CAPN13: variants seen among roughly 807,000 people sequenced by gnomAD.
The protein encoded by CAPN13 is calpain 13.
In CAPN13, 90 loss-of-function variants were observed where a neutral mutation model predicts 98.4. The observed-to-expected ratio is 0.92, with a 90% CI of 0.77 to 1.09. The LOEUF is 1.09. Ranked by LOEUF, CAPN13 falls within the 50% of genes least tolerant of loss-of-function variation. The pLI, the probability that CAPN13 is intolerant of heterozygous loss-of-function variation, is 0.00. For synonymous variants in CAPN13, 330 were observed against 305.5 expected, an observed-to-expected ratio of 1.08 and a Z score of -0.84; for missense variants, 887 against 841.3, an observed-to-expected ratio of 1.05 and a Z score of -0.67.
intron 9 of CAPN13, 54 bp from the exon 10 acceptor site, chr2:30,753,252 G>A (rs1658758875): frequency 5.0e-6 from 8 of 1,594,998 alleles, no homozygotes; most frequent in Non-Finnish European, 6.9e-6. Context: ...TCCCCAGGGT[G>A]GGGGTTCCTA....
intron 15 of CAPN13, chr2:30,741,255 C>T (rs1671638420): frequency 2.2e-6 from 1 of 454,644 alleles, no homozygotes; most frequent in African/African-American, 2.1e-5. Flanking sequence ...CCCCATTAAC[C>T]CTCTGAATGC....
chr2:30,761,382 G>A (rs1050382857), intron 7 of CAPN13, among the ~76,000 whole-genome samples: 3 of 152,174 alleles, frequency 2.0e-5, no homozygotes, highest in Non-Finnish European at 2.9e-5. Flanking sequence ...ATGATCAGGA[G>A]CCCAAACGGC....
chr2:30,762,556 T>C (rs13415062), intron 7 of CAPN13, among the ~76,000 whole-genome samples: 1 of 152,082 alleles, frequency 6.6e-6, no homozygotes, highest in Non-Finnish European at 1.5e-5. Context: ...GGCTGGGAGA[T>C]GAGGGATCAG....
chr2:30,753,126 G>C lies in CAPN13; in HGVS notation c.1014C>G (p.Asp338Glu). 1 of 1,613,932 alleles carries C rather than the reference G, an allele frequency of 6.2e-7. No individual in the cohort carries two copies. The highest frequency in any genetic ancestry group is 8.5e-7 in the Non-Finnish European group (1 of 1,179,832). ...ATCCTTCGTGGAGTGTGTTTCCATG[G>C]TCCAGGGTAATTGGAATTTCGCTAC... ...FICSEIPITL[D>E]HGNTLHEGWS... The change falls in exon 10 of 23, where the codon GAC (aspartate) becomes GAG (glutamate). Residue 338 changes from aspartate (D) to glutamate (E), a missense_variant. Transcript: ENST00000295055.
chr2:30,785,522 C>T (rs868659434), intron 2 of CAPN13, among the ~76,000 whole-genome samples: 60 of 152,296 alleles, frequency 3.9e-4, no homozygotes, highest in African/African-American at 1.3e-3. Flanking sequence ...ATGGGAAAAG[C>T]AGATTCGGCC....
Position 30,738,278 on chromosome 2 carries a change from A to G in CAPN13, c.1610T>C (p.Met537Thr), listed in dbSNP as rs1283142588. Residue 537 changes from methionine (M) to threonine (T), a missense_variant, in exon 17 of 23, where the codon ATG (methionine) becomes ACG (threonine). Coordinates refer to ENST00000295055, the MANE Select transcript of CAPN13 (RefSeq NM_144575.3). ...GCTGCGGCACTCATCTAAGGAGAAC[A>G]TGTCCCCTGGAGGTCCTGAGGAGAG... ...QELLTGPPGD[M>T]FSLDECRSLV... The G allele has an allele frequency of 3.1e-6, 5 of 1,613,846 alleles. No homozygotes were observed. The highest frequency in any genetic ancestry group is 2.2e-5 in the East Asian group (1 of 44,890).
At chr2:30,734,427 A>C (rs1292438320) in intron 19 of CAPN13, 22 bp downstream of exon 19, 2 of 1,604,802 alleles carry the variant, frequency 1.2e-6, no homozygotes, top group East Asian at 4.5e-5. Flanking sequence ...TGGGCACCAC[A>C]GCTCCAAAGT....
At chr2:30,728,296 C>T (rs1670930806) in intron 22 of CAPN13, among the ~76,000 whole-genome samples, 1 of 151,720 alleles carries the variant, frequency 6.6e-6, no homozygotes, top group African/African-American at 2.4e-5. Context: ...GAACTCTATA[C>T]TTTAAATGAG....
intron 7 of CAPN13, among the ~76,000 whole-genome samples, chr2:30,759,042 CCTT>C (rs1482382695): frequency 1.7e-4 from 3 of 17,630 alleles, no homozygotes; most frequent in African/African-American, 6.2e-4. Flanking sequence ...CTCCCTCCCT[CCTT>C]CCTTCCTTCC....
At chr2:30,763,046 C>G (rs749686230) in intron 7 of CAPN13, 36 bp downstream of exon 7, 10 of 1,556,060 alleles carry the variant, frequency 6.4e-6, no homozygotes, top group Non-Finnish European at 8.8e-6. Context: ...GGGCAGAGGC[C>G]AGGGGAGAGC....
intron 5 of CAPN13, among the ~76,000 whole-genome samples, chr2:30,769,138 A>T (rs982162619): frequency 1.3e-5 from 2 of 152,126 alleles, no homozygotes; most frequent in Admixed American, 6.5e-5. Flanking sequence ...CATGAAGTGT[A>T]CCCACCCATT....
At chr2:30,788,918 A>C (rs1674465933) in intron 1 of CAPN13, among the ~76,000 whole-genome samples, 1 of 152,226 alleles carries the variant, frequency 6.6e-6, no homozygotes, top group African/African-American at 2.4e-5. Flanking sequence ...ATTAGATTGG[A>C]CCATACAGAA....
intron 4 of CAPN13, among the ~76,000 whole-genome samples, chr2:30,772,118 T>G (rs1332515881): frequency 6.6e-6 from 1 of 152,184 alleles, no homozygotes; most frequent in Non-Finnish European, 1.5e-5. Flanking sequence ...AAAGGGGACA[T>G]CAGATAAGTT....
chr2:30,759,996 T>A (rs1341415177), intron 7 of CAPN13, among the ~76,000 whole-genome samples: 1 of 152,208 alleles, frequency 6.6e-6, no homozygotes, highest in African/African-American at 2.4e-5. Flanking sequence ...GGCTCTGACT[T>A]GCAATGCCTC....
intron 1 of CAPN13, among the ~76,000 whole-genome samples, chr2:30,796,198 G>GTATATATATATACATATATA (rs1558347454): frequency 3.8e-5 from 5 of 132,712 alleles, no homozygotes; most frequent in African/African-American, 1.7e-4. Context: ...ATATATGTGT[G>GTATATATATATACATATATA]TGTATATATA....
At chr2:30,807,231 T>G (rs1003092331) in intron 1 of CAPN13, 71 bp downstream of exon 1, 2 of 152,150 alleles carry the variant, frequency 1.3e-5, no homozygotes, top group African/African-American at 4.8e-5. Flanking sequence ...TCTAGAAAAT[T>G]GTACATGCTC....
At chr2:30,804,520 T>C (rs1675488672) in intron 1 of CAPN13, among the ~76,000 whole-genome samples, 1 of 152,106 alleles carries the variant, frequency 6.6e-6, no homozygotes, top group East Asian at 1.9e-4. Context: ...GAATCATAAC[T>C]CTCTGAGGAG....
chr2:30,788,887 AT>A (rs1674464003), intron 1 of CAPN13, among the ~76,000 whole-genome samples: 1 of 152,224 alleles, frequency 6.6e-6, no homozygotes, highest in South Asian at 2.1e-4. Context: ...GATATGAATA[AT>A]TTACATTTAC....
rs781667419 is a variant in CAPN13, at chr2:30,776,035, CCAGCAGT to C, written c.275_281del (p.Asp92GlyfsTer9). On this transcript the variant is annotated frameshift_variant, in exon 4 of 23. Coordinates refer to ENST00000295055, the MANE Select transcript of CAPN13 (RefSeq NM_144575.3). LOFTEE classifies it high-confidence loss of function. ...TCAAGGATCCCAGTGCTGCCAGGAA[CCAGCAGT>C]CAGCTGTGAGGGGAGATAAGCCAGG... 1.9e-6 allele frequency: 3 copies of C among 1,610,186 alleles called. No homozygotes were observed. In the South Asian group the frequency reaches 3.3e-5, roughly 18 times the overall value.
Sources: allele counts gnomAD v4.1 joint callset (sites outside exome capture counted in the v4.1 genomes callset), GRCh38; gene constraint gnomAD v4.1.1; transcripts MANE v1.5; gene names NCBI Gene and HGNC (gene_info 2026-07-23, HGNC 2026-07-21).